ADGRG7: variants seen among roughly 807,000 people sequenced by gnomAD.
ADGRG7 encodes adhesion G protein-coupled receptor G7, also known as G-protein coupled receptor 128.
In ADGRG7, 82 loss-of-function variants were observed where a neutral mutation model predicts 88.6. That is an observed-to-expected ratio of 0.93 (90% confidence interval 0.77 to 1.11). ADGRG7 has a LOEUF of 1.11. Among genes scored for constraint, ADGRG7 ranks in the 50% most tolerant of loss-of-function variants. ADGRG7 has a pLI of 0.00. For synonymous variants in ADGRG7, 381 were observed against 345.2 expected, an observed-to-expected ratio of 1.10 and a Z score of -1.15; for missense variants, 945 against 953.4, an observed-to-expected ratio of 0.99 and a Z score of 0.12.
chr3:100,617,662 C>T (rs1450339058), intron 1 of ADGRG7, among the ~76,000 whole-genome samples: 2 of 152,094 alleles, frequency 1.3e-5, no homozygotes, highest in Non-Finnish European at 2.9e-5. Context: ...GTGAATAGTG[C>T]CGCAATAAAC....
chr3:100,635,080 T>C (rs1442533770), intron 4 of ADGRG7, among the ~76,000 whole-genome samples: 1 of 151,750 alleles, frequency 6.6e-6, no homozygotes, highest in Non-Finnish European at 1.5e-5. Flanking sequence ...AATGACAATA[T>C]GGATTGGCAT....
At chr3:100,685,332 G>A (rs983018117) in intron 15 of ADGRG7, among the ~76,000 whole-genome samples, 1 of 152,050 alleles carries the variant, frequency 6.6e-6, no homozygotes, top group Admixed American at 6.6e-5. Flanking sequence ...TAAAGCCTGA[G>A]AAGGAACTAA....
intron 15 of ADGRG7, among the ~76,000 whole-genome samples, chr3:100,679,778 G>C (rs1343051199): frequency 1.3e-5 from 2 of 152,082 alleles, no homozygotes; most frequent in Non-Finnish European, 2.9e-5. Flanking sequence ...CCTATGTAAG[G>C]GGTTCATGGC....
chr3:100,669,291 C>A (rs555911198), intron 15 of ADGRG7, among the ~76,000 whole-genome samples, 186 bp downstream of exon 15: 2 of 151,990 alleles, frequency 1.3e-5, no homozygotes, highest in East Asian at 3.9e-4. Context: ...TTGAGACCAT[C>A]CTGGATAACA....
chr3:100,682,489 C>T (rs1474081624), intron 15 of ADGRG7, among the ~76,000 whole-genome samples: 1 of 152,214 alleles, frequency 6.6e-6, no homozygotes, highest in Non-Finnish European at 1.5e-5. Flanking sequence ...CTCCGAGTCA[C>T]CTGAGGCTGC....
intron 1 of ADGRG7, among the ~76,000 whole-genome samples, chr3:100,613,618 G>A (rs1707186875): frequency 1.3e-5 from 2 of 152,048 alleles, no homozygotes; most frequent in Non-Finnish European, 2.9e-5. Flanking sequence ...TGGCTGAGGG[G>A]CATGGATTAT....
chr3:100,625,373 G>C (rs550833600), intron 1 of ADGRG7, among the ~76,000 whole-genome samples: 1 of 152,210 alleles, frequency 6.6e-6, no homozygotes, highest in East Asian at 1.9e-4. Flanking sequence ...TGTGATTTTT[G>C]CACACTGATT....
At chr3:100,625,987 C>G (rs1230081025) in intron 1 of ADGRG7, among the ~76,000 whole-genome samples, 1 of 152,202 alleles carries the variant, frequency 6.6e-6, no homozygotes, top group Non-Finnish European at 1.5e-5. Context: ...GTTTGTGTCT[C>G]TGCCAGGTTT....
intron 1 of ADGRG7, among the ~76,000 whole-genome samples, chr3:100,615,350 A>G (rs1707209852): frequency 6.6e-6 from 1 of 152,188 alleles, no homozygotes; most frequent in African/African-American, 2.4e-5. Flanking sequence ...TACCAGTACT[A>G]TTTTTGCTGT....
intron 11 of ADGRG7, among the ~76,000 whole-genome samples, chr3:100,652,836 A>T (rs2094931747): frequency 1.3e-5 from 2 of 152,072 alleles, no homozygotes. Context: ...TTGCTGGTAA[A>T]CAAGGCCGGC....
chr3:100,679,604 G>A (rs1474092445), intron 15 of ADGRG7, among the ~76,000 whole-genome samples: 2 of 152,194 alleles, frequency 1.3e-5, no homozygotes, highest in Admixed American at 6.5e-5. Flanking sequence ...CCATTTCTGG[G>A]AAGTGAAAGA....
At chr3:100,645,359 A>G (rs1707725316) in intron 8 of ADGRG7, among the ~76,000 whole-genome samples, 1 of 152,234 alleles carries the variant, frequency 6.6e-6, no homozygotes, top group Non-Finnish European at 1.5e-5. Flanking sequence ...GGAGAAGCCC[A>G]TGATTGTCAT....
At position 100,637,867 on chromosome 3, in the gene ADGRG7, C is replaced by T. The variant is rs114823821; in HGVS notation, c.698+465C>T. 6.4e-3 allele frequency among the ~76,000 whole-genome samples: 975 copies of T among 152,324 alleles called. 9 individuals are homozygous for T. Among genetic ancestry groups the T allele is most frequent in the Non-Finnish European group, 8.3e-3 (562 of 68,026 alleles). On this transcript the variant is annotated intron_variant, in intron 6 of 15. Transcript: ENST00000273352. ...TCCTTAGCTTTACTCTTGATCCCTTCGTGGGACTTGTGATAGGGGTGCCCC... is the reference window on the plus strand; with the variant it reads ...TCCTTAGCTTTACTCTTGATCCCTTTGTGGGACTTGTGATAGGGGTGCCCC...
chr3:100,667,906 C>G (rs1044051541), intron 14 of ADGRG7, among the ~76,000 whole-genome samples: 28 of 152,246 alleles, frequency 1.8e-4, no homozygotes, highest in Admixed American at 1.6e-3. Flanking sequence ...GCTTGAAACC[C>G]AGGGCGCTGG....
chr3:100,661,029 G>A (rs72915268), intron 14 of ADGRG7, among the ~76,000 whole-genome samples: 4,601 of 151,778 alleles, frequency 0.03, 206 homozygotes, highest in African/African-American at 0.1. Flanking sequence ...CATTCCCTGC[G>A]GGGGTCATGT....
chr3:100,647,619 C>T (rs963113334), intron 10 of ADGRG7, among the ~76,000 whole-genome samples: 4 of 152,150 alleles, frequency 2.6e-5, no homozygotes, highest in East Asian at 3.9e-4. Flanking sequence ...GCTGTGCATG[C>T]GTCTCTCAAG....
In ADGRG7 at chr3:100,661,592, T is replaced by C. The variant is rs542362695; in HGVS notation, c.1979+1749T>C. On this transcript the variant is annotated intron_variant, in intron 14 of 15. Transcript: ENST00000273352. The stretch of plus-strand genomic sequence containing the variant: ...AAAATTCACAAGACTAAACCATTAA[T>C]GTTTCAAGCCTCCTGAATGAGATTA... 6.6e-5 allele frequency among the ~76,000 whole-genome samples: 10 copies of C among 152,328 alleles called. No individual in the cohort carries two copies. In the South Asian group the frequency reaches 2.1e-3, roughly 32 times the overall value.
At chr3:100,663,427 T>G (rs2094948046) in intron 14 of ADGRG7, among the ~76,000 whole-genome samples, 1 of 152,058 alleles carries the variant, frequency 6.6e-6, no homozygotes, top group South Asian at 2.1e-4. Context: ...TTTAAAGAAT[T>G]CTTAAACTTC....
intron 15 of ADGRG7, among the ~76,000 whole-genome samples, chr3:100,687,651 C>T (rs1365321774): frequency 2.0e-5 from 3 of 152,082 alleles, no homozygotes; most frequent in East Asian, 1.9e-4. Context: ...GTTTTTGTCT[C>T]TGGTTCTGTT....
Sources: gnomAD v4.1 joint callset for allele counts (sites outside exome capture counted in the v4.1 genomes callset) on GRCh38, gnomAD v4.1.1 for gene constraint, MANE v1.5 for transcripts, NCBI Gene and HGNC (gene_info 2026-07-23, HGNC 2026-07-21) for gene names.